The following RELN variants were observed in gnomAD, a reference collection of about 807,000 sequenced individuals.
The protein encoded by RELN is reelin.
RELN carries 108 observed loss-of-function variants against 427.6 expected under a neutral mutation model. The observed-to-expected ratio is 0.25, with a 90% CI of 0.22 to 0.30. The LOEUF (loss-of-function observed/expected upper bound fraction) is 0.30. Ranked by LOEUF, RELN falls within the 10% of genes least tolerant of loss-of-function variation. The probability of loss-of-function intolerance (pLI) is 1.00; values close to 1 mark genes in which losing one functional copy is unlikely to be tolerated. For missense variants in RELN, 3,715 were observed against 4,302.8 expected (o/e 0.86, Z 3.82); for synonymous variants, 1,524 against 1,513.4 (o/e 1.01, Z -0.16).
At chr7:103,501,266 A>G (rs1176786749) in intron 52 of RELN, among the ~76,000 whole-genome samples, 2 of 152,202 alleles carry the variant, frequency 1.3e-5, no homozygotes, top group Non-Finnish European at 2.9e-5. Context: ...TCATGATGCA[A>G]TTTAGATTCA....
chr7:103,876,853 A>C (rs1253956487), intron 2 of RELN, among the ~76,000 whole-genome samples: 1 of 151,676 alleles, frequency 6.6e-6, no homozygotes, highest in Non-Finnish European at 1.5e-5. Flanking sequence ...TTTTTTTTCA[A>C]GTCAGTTACT....
At position 103,839,303 on chromosome 7, in the gene RELN, C is replaced by CTT. The variant is rs34244913; in HGVS notation, c.338-5633_338-5632dup. Among the ~76,000 whole-genome samples, 826 of 121,182 alleles carry CTT rather than the reference C, an allele frequency of 6.8e-3. 12 individuals carry two copies. The highest frequency in any genetic ancestry group is 0.02 in the African/African-American group (661 of 32,464). 79.5% of individuals were successfully genotyped at this position (121,182 alleles called of 152,430 possible). On this transcript the variant is annotated intron_variant, in intron 2 of 64. Coordinates refer to ENST00000428762, the MANE Select transcript of RELN (RefSeq NM_005045.4). The stretch of plus-strand genomic sequence containing the variant: ...CACTATGACTATACAGTGGTCTTTG[C>CTT]TTTTTTTTTTTTTTTTTTTAACATA...
At chr7:103,680,107 T>TC (rs886484756) in intron 11 of RELN, among the ~76,000 whole-genome samples, 2 of 151,680 alleles carry the variant, frequency 1.3e-5, no homozygotes, top group African/African-American at 2.4e-5. Flanking sequence ...AAATTTTATT[T>TC]CCCCCCCAAA....
chr7:103,941,393 T>C (rs77299564), intron 1 of RELN, among the ~76,000 whole-genome samples: 3,224 of 152,258 alleles, frequency 0.021, 110 homozygotes, highest in African/African-American at 0.073. Flanking sequence ...ATTTCTTTCC[T>C]CTTAAAGCAG....
intron 8 of RELN, among the ~76,000 whole-genome samples, chr7:103,704,255 T>C (rs1166991762): frequency 6.6e-6 from 1 of 152,220 alleles, no homozygotes; most frequent in Admixed American, 6.5e-5. Context: ...TTACCAATTA[T>C]GCCTATGAAT....
At position 103,539,334 on chromosome 7, in the gene RELN, T is replaced by C. The variant is rs1206292892; in HGVS notation, c.6931-7A>G. 10 of 1,613,430 alleles carry C rather than the reference T, an allele frequency of 6.2e-6. No homozygotes were observed. The highest frequency in any genetic ancestry group is 2.2e-5 in the South Asian group (2 of 91,050). On this transcript the variant is annotated splice_polypyrimidine_tract_variant and splice_region_variant and intron_variant, in intron 44 of 64. Coordinates refer to ENST00000428762, the MANE Select transcript of RELN (RefSeq NM_005045.4). ...TATTTCCTCCAATAAGAATCTGAAA[T>C]GTATTTTTAAAAAATCCCAAATTTT...
At chr7:103,966,585 T>C (rs905886900) in intron 1 of RELN, among the ~76,000 whole-genome samples, 2 of 152,166 alleles carry the variant, frequency 1.3e-5, no homozygotes, top group South Asian at 2.1e-4. Context: ...AATAAGGATA[T>C]AAAATATGAA....
At chr7:103,713,660 CT>C (rs60124892) in intron 8 of RELN, among the ~76,000 whole-genome samples, 76,788 of 143,458 alleles carry the variant, frequency 0.54, 19,931 homozygotes, top group East Asian at 0.61. Context: ...GGCATTTATC[CT>C]TTTTTTTTTT....
intron 50 of RELN, among the ~76,000 whole-genome samples, chr7:103,514,308 C>T (rs1305782762): frequency 6.6e-6 from 1 of 152,024 alleles, no homozygotes; most frequent in Non-Finnish European, 1.5e-5. Flanking sequence ...TATAAGACAC[C>T]ACTTTTTATA....
chr7:103,918,132 C>G (rs1445190314), intron 1 of RELN, among the ~76,000 whole-genome samples: 5 of 152,040 alleles, frequency 3.3e-5, no homozygotes, highest in Non-Finnish European at 7.4e-5. Context: ...GTGAACAGAG[C>G]TAAATGGTCT....
At chr7:103,615,624 G>A (rs1358200469) in intron 20 of RELN, among the ~76,000 whole-genome samples, 2 of 152,092 alleles carry the variant, frequency 1.3e-5, no homozygotes, top group Non-Finnish European at 2.9e-5. Context: ...TATGGAGAAG[G>A]AAAATAGAGA....
intron 51 of RELN, among the ~76,000 whole-genome samples, chr7:103,505,989 C>G (rs1427768174): frequency 6.6e-6 from 1 of 152,060 alleles, no homozygotes; most frequent in Admixed American, 6.6e-5. Context: ...GAAAGAATAT[C>G]AGAGAATGAA....
rs751639651 is a variant in RELN at position 103,490,771 on chromosome 7, C to T, written c.9502G>A (p.Gly3168Ser). The T allele has an allele frequency of 3.1e-6, 5 of 1,613,980 alleles. No homozygotes were observed. The South Asian group carries it at 5.5e-5, about 18-fold the overall frequency. Residue 3168 changes from glycine to serine, a missense_variant, in exon 59 of 65, where the codon GGC becomes AGC. Physicochemically the swap from Gly to Ser is moderately conservative, Grantham distance 56. Coordinates refer to ENST00000428762, the MANE Select transcript of RELN (RefSeq NM_005045.4). ...QCLPSSSNSI[G>S]CSPFQFHEAT... is the part of the protein sequence containing the mutation. ...TCATGGAACTGGAAAGGGGAGCAGC[C>T]AATGCTGTTAGAAGAGGAAGGAAGG...
At chr7:103,883,584 G>C (rs1380646221) in intron 2 of RELN, among the ~76,000 whole-genome samples, 1 of 152,200 alleles carries the variant, frequency 6.6e-6, no homozygotes, top group Non-Finnish European at 1.5e-5. Flanking sequence ...CTTCAGCAAA[G>C]TCTCAGCATA....
intron 3 of RELN, among the ~76,000 whole-genome samples, chr7:103,811,414 T>C (rs1180692922): frequency 6.6e-6 from 1 of 152,208 alleles, no homozygotes; most frequent in East Asian, 1.9e-4. Context: ...GAGAGATTGG[T>C]GCATCTTATG....
At position 103,500,720 on chromosome 7, in the gene RELN, G is replaced by A. The variant is rs79222798; in HGVS notation, c.8667+25C>T. On this transcript the variant is annotated intron_variant, in intron 53 of 64. Coordinates refer to ENST00000428762, the MANE Select transcript of RELN (RefSeq NM_005045.4). Reference sequence around the variant, plus strand: ...GCATGACCCATGATGTGAGTAATGCGTCTTGTCCAGGGCTTTACCCTTACC... The same window carrying A: ...GCATGACCCATGATGTGAGTAATGCATCTTGTCCAGGGCTTTACCCTTACC... 53 of 1,612,954 alleles carry A rather than the reference G, an allele frequency of 3.3e-5. No individual in the cohort carries two copies. The African/African-American group carries it at 4.1e-4, about 13-fold the overall frequency.
chr7:103,919,438 C>T (rs555427146), intron 1 of RELN, among the ~76,000 whole-genome samples: 33 of 152,148 alleles, frequency 2.2e-4, no homozygotes, highest in Non-Finnish European at 3.7e-4. Context: ...GTCAGGAACA[C>T]CCTTCTCTCC....
chr7:103,698,778 G>A (rs1267304361), intron 9 of RELN, among the ~76,000 whole-genome samples: 1 of 152,132 alleles, frequency 6.6e-6, no homozygotes, highest in East Asian at 1.9e-4. Flanking sequence ...GCCTCCCAAA[G>A]TGTTGGGGCT....
At chr7:103,917,386 T>C (rs1795509044) in intron 1 of RELN, among the ~76,000 whole-genome samples, 1 of 152,150 alleles carries the variant, frequency 6.6e-6, no homozygotes, top group Admixed American at 6.6e-5. Flanking sequence ...TTGCTGGTCC[T>C]AAATTTAGAA....
Sources: gnomAD v4.1 joint callset for allele counts (sites outside exome capture counted in the v4.1 genomes callset) on GRCh38, gnomAD v4.1.1 for gene constraint, MANE v1.5 for transcripts, NCBI Gene and HGNC (gene_info 2026-07-23, HGNC 2026-07-21) for gene names.